The following FOXO3 variants were observed in gnomAD, a reference collection of about 807,000 sequenced individuals.
FOXO3 encodes forkhead box O3.
Under a neutral mutation model 41.9 loss-of-function variants are expected in FOXO3, and 4 were observed. The ratio of observed to expected loss-of-function variants is 0.10; its 90% CI spans 0.05 to 0.22. The LOEUF (loss-of-function observed/expected upper bound fraction) is 0.22. FOXO3 is among the 10% of genes least tolerant of loss of function. FOXO3 has a pLI of 1.00. For synonymous variants in FOXO3, 318 were observed against 389.3 expected (o/e 0.82, Z 2.16); for missense variants, 534 against 906.8 (o/e 0.59, Z 5.28).
intron 1 of FOXO3, among the ~76,000 whole-genome samples, chr6:108,643,614 A>C (rs1477324568): frequency 6.6e-6 from 1 of 152,196 alleles, no homozygotes; most frequent in East Asian, 1.9e-4. Flanking sequence ...GCAACCCAAC[A>C]ATTTCTTCTC....
intron 1 of FOXO3, among the ~76,000 whole-genome samples, chr6:108,660,272 G>A (rs1396148138): frequency 6.6e-6 from 1 of 152,142 alleles, no homozygotes; most frequent in African/African-American, 2.4e-5. Flanking sequence ...CTATTGCATA[G>A]AGAAATTGTT....
intron 1 of FOXO3, among the ~76,000 whole-genome samples, chr6:108,598,872 A>C (rs538060500): frequency 6.6e-6 from 1 of 152,326 alleles, no homozygotes; most frequent in African/African-American, 2.4e-5. Flanking sequence ...CACCCAGGGC[A>C]GGGGTGTCTG....
chr6:108,648,783 C>T (rs994806943), intron 1 of FOXO3, among the ~76,000 whole-genome samples: 4 of 151,818 alleles, frequency 2.6e-5, no homozygotes, highest in African/African-American at 9.7e-5. Context: ...TCGCTTGAGG[C>T]CTGGAGTTTG....
chr6:108,625,834 G>T (rs763770940), intron 1 of FOXO3, among the ~76,000 whole-genome samples: 2 of 152,168 alleles, frequency 1.3e-5, no homozygotes, highest in Non-Finnish European at 2.9e-5. Context: ...TTGTTTAAGT[G>T]AGATTATGTA....
At chr6:108,647,228 T>G (rs77565097) in intron 1 of FOXO3, among the ~76,000 whole-genome samples, 6,920 of 152,282 alleles carry the variant, frequency 0.045, 446 homozygotes, top group African/African-American at 0.14. Context: ...TTGGCCAAAT[T>G]CTTTGGCAGC....
At chr6:108,569,399 A>G (rs552891118) in intron 1 of FOXO3, among the ~76,000 whole-genome samples, 1 of 152,346 alleles carries the variant, frequency 6.6e-6, no homozygotes, top group East Asian at 1.9e-4. Flanking sequence ...AGGAAAAAGA[A>G]CTACGGTAGC....
In FOXO3 at chr6:108,569,987, G is replaced by GTTTTTTTTTTTTTTTTTTT. The variant is rs71015551; in HGVS notation, c.621+8170_621+8188dup. Among the ~76,000 whole-genome samples the GTTTTTTTTTTTTTTTTTTT allele has an allele frequency of 9.6e-5, 7 of 73,246 alleles. 1 individual carries two copies. Among genetic ancestry groups the GTTTTTTTTTTTTTTTTTTT allele is most frequent in the Non-Finnish European group, 1.2e-4 (5 of 41,564 alleles). The allele number at this position is 73,246 out of a possible 152,430, so 48.1% of individuals were successfully genotyped here. On this transcript the variant is annotated intron_variant, in intron 1 of 2. Transcript: ENST00000406360. ...TCCACATCATGTTTTCCCTTGCGTG[G>GTTTTTTTTTTTTTTTTTTT]TTTTTTTTTTTTTTTTTTTTTTTTT... is the stretch of plus-strand genomic sequence containing the variant.
intron 1 of FOXO3, among the ~76,000 whole-genome samples, chr6:108,592,579 C>T (rs1447526722): frequency 1.3e-5 from 2 of 152,144 alleles, no homozygotes; most frequent in Non-Finnish European, 2.9e-5. Context: ...AAATTCACTT[C>T]AAATTATTTT....
chr6:108,596,571 A>G lies in FOXO3; in HGVS notation c.621+34742A>G, dbSNP rs191409010. The stretch of plus-strand genomic sequence containing the variant: ...GGGAATGAGAAAGTTTAAGCAGGAA[A>G]TGGAAATCGGAGATGGGTCACTAAG... On this transcript the variant is annotated intron_variant, in intron 1 of 2. Coordinates refer to ENST00000406360, the MANE Select transcript of FOXO3 (RefSeq NM_001455.4). Among the ~76,000 whole-genome samples, 7 of 152,270 alleles carry G rather than the reference A, an allele frequency of 4.6e-5. No homozygotes were observed. In the East Asian group the frequency reaches 9.7e-4, roughly 21 times the overall value.
chr6:108,633,096 T>C (rs1485226997), intron 1 of FOXO3, among the ~76,000 whole-genome samples: 1 of 152,182 alleles, frequency 6.6e-6, no homozygotes, highest in African/African-American at 2.4e-5. Context: ...ACAAAAACTC[T>C]AAGGAGCATC....
chr6:108,611,701 T>C (rs1777369815), intron 1 of FOXO3, among the ~76,000 whole-genome samples: 1 of 152,142 alleles, frequency 6.6e-6, no homozygotes. Context: ...TTTGCCTTTT[T>C]TTTTTTTTTA....
In FOXO3 at chr6:108,626,941, A is replaced by G. The variant is rs190215139; in HGVS notation, c.622-36514A>G. Among the ~76,000 whole-genome samples the G allele has an allele frequency of 5.0e-4, 76 of 152,284 alleles. 1 individual carries two copies. Among genetic ancestry groups the G allele is most frequent in the Non-Finnish European group, 9.7e-4 (66 of 68,028 alleles). On this transcript the variant is annotated intron_variant, in intron 1 of 2. Coordinates refer to ENST00000406360, the MANE Select transcript of FOXO3 (RefSeq NM_001455.4). ...CTAAAGGGCTTGTTTTTTATCCTGT[A>G]GGGCAGGAGTGGTTGTAGATGCCCT...
chr6:108,616,639 A>G, intron 1 of FOXO3, among the ~76,000 whole-genome samples: 1 of 152,098 alleles, frequency 6.6e-6, no homozygotes, highest in East Asian at 1.9e-4. Flanking sequence ...CCTAATTCAC[A>G]TTGCCATATA....
intron 1 of FOXO3, among the ~76,000 whole-genome samples, chr6:108,627,678 C>CACTA (rs1252104443): frequency 2.6e-5 from 4 of 151,962 alleles, no homozygotes; most frequent in Non-Finnish European, 5.9e-5. Flanking sequence ...AATACACTAA[C>CACTA]ACTAACAGTA....
intron 2 of FOXO3, among the ~76,000 whole-genome samples, chr6:108,671,489 G>A (rs188949268): frequency 3.9e-5 from 6 of 152,330 alleles, no homozygotes; most frequent in Admixed American, 3.3e-4. Context: ...TGTGTGTCCT[G>A]CAGTCAAGTC....
At chr6:108,598,163 G>A (rs1426523789) in intron 1 of FOXO3, among the ~76,000 whole-genome samples, 1 of 152,184 alleles carries the variant, frequency 6.6e-6, no homozygotes, top group Non-Finnish European at 1.5e-5. Context: ...AACACTGTGG[G>A]TTCTCTCTGC....
At chr6:108,673,644 G>A (rs1770449257) in intron 2 of FOXO3, among the ~76,000 whole-genome samples, 1 of 152,170 alleles carries the variant, frequency 6.6e-6, no homozygotes, top group South Asian at 2.1e-4. Flanking sequence ...CCTCCCTTCA[G>A]TATTTGGTAG....
chr6:108,566,425 C>T (rs1219367888), intron 1 of FOXO3, among the ~76,000 whole-genome samples: 1 of 152,118 alleles, frequency 6.6e-6, no homozygotes, highest in Non-Finnish European at 1.5e-5. Flanking sequence ...AATGAAGAGG[C>T]CTTGTCTCAC....
At chr6:108,589,954 C>T (rs903741220) in intron 1 of FOXO3, among the ~76,000 whole-genome samples, 3 of 152,092 alleles carry the variant, frequency 2.0e-5, no homozygotes, top group African/African-American at 7.2e-5. Flanking sequence ...TATTTTTTTC[C>T]AGAAACTTTT....
Sources: allele counts gnomAD v4.1 joint callset (sites outside exome capture counted in the v4.1 genomes callset), GRCh38; gene constraint gnomAD v4.1.1; transcripts MANE v1.5; gene names NCBI Gene and HGNC (gene_info 2026-07-23, HGNC 2026-07-21).